Variants in SZT2 observed in about 807,000 individuals in gnomAD.
The protein encoded by SZT2 is KICSTOR complex protein SZT2.
SZT2 carries 216 observed loss-of-function variants against 404.2 expected under a neutral mutation model. That is an observed-to-expected ratio of 0.53 (90% confidence interval 0.48 to 0.60). The LOEUF is 0.60. SZT2 is among the 20% of genes least tolerant of loss of function. The pLI, the probability that SZT2 is intolerant of heterozygous loss-of-function variation, is 0.00. For missense variants in SZT2, 3,857 were observed against 4,459.2 expected, an observed-to-expected ratio of 0.86 and a Z score of 3.85; for synonymous variants, 1,693 against 1,749.9, an observed-to-expected ratio of 0.97 and a Z score of 0.81.
intron 62 of SZT2, among the ~76,000 whole-genome samples, chr1:43,444,755 C>G (rs1655479739): frequency 6.6e-6 from 1 of 152,188 alleles, no homozygotes; most frequent in African/African-American, 2.4e-5. Context: ...TCTCCAGATT[C>G]TGTGTTCTCT....
At position 43,442,136 on chromosome 1, in the gene SZT2, G is replaced by A. The variant is rs762292760; in HGVS notation, c.7873+6G>A. On this transcript the variant is annotated splice_donor_region_variant and intron_variant, in intron 56 of 71. Transcript: ENST00000634258. This position sits in a 1 kb window ranked among gnomAD's most constrained non-coding sequence, Gnocchi z 4.5. The stretch of plus-strand genomic sequence containing the variant: ...GAGGAGACCAACACAGCAGGGTGAG[G>A]GCATGGCCCGGGGGGGCGGGGGGCG... 3 of 1,603,390 alleles carry A rather than the reference G, an allele frequency of 1.9e-6. No homozygotes were observed. The highest frequency in any genetic ancestry group is 2.2e-5 in the South Asian group (2 of 90,740).
intron 1 of SZT2, among the ~76,000 whole-genome samples, chr1:43,391,537 A>G (rs1175188218): frequency 1.3e-5 from 2 of 152,260 alleles, no homozygotes; most frequent in East Asian, 1.9e-4. Context: ...TAAAATAGTC[A>G]TGTTCACAGA....
chr1:43,441,413 G>C lies in SZT2; in HGVS notation c.7511+33G>C. ...TGTGGTGGTGGTGTGCCCTGGGAGGGTATGGGTGTGAAGTCACAGATGGGC... is the reference window on the plus strand; with the variant it reads ...TGTGGTGGTGGTGTGCCCTGGGAGGCTATGGGTGTGAAGTCACAGATGGGC... On this transcript the variant is annotated intron_variant, in intron 53 of 71. Transcript: ENST00000634258. The surrounding 1 kb of genome is among the most constrained non-coding windows in gnomAD (Gnocchi z 4.8). The C allele has an allele frequency of 6.2e-7, 1 of 1,612,428 alleles. No individual in the cohort carries two copies. Among genetic ancestry groups the C allele is most frequent in the Admixed American group, 1.7e-5 (1 of 59,944 alleles).
rs907119503 is a variant in SZT2 at position 43,443,759 on chromosome 1, G to C, written c.8788G>C (p.Val2930Leu). The C allele has an allele frequency of 1.9e-6, 3 of 1,614,080 alleles. No homozygotes were observed. The highest frequency in any genetic ancestry group is 1.3e-5 in the African/African-American group (1 of 75,048). The part of the protein sequence containing the change: ...YVQYLQSIGF[V>L]LVPLRPPSPA... ...GCAGTATCTGCAGAGCATAGGTTTT[G>C]TGCTGGTACCACTGCGGCCCCCCTC... Residue 2930 changes from valine (V) to leucine (L), a missense_variant, in exon 62 of 72, where the codon GTG becomes CTG. By Grantham distance (32) the Val-to-Leu change is conservative. Coordinates refer to ENST00000634258, the MANE Select transcript of SZT2 (RefSeq NM_001365999.1).
chr1:43,441,336 A>T lies in SZT2; in HGVS notation c.7467A>T (p.Gly2489=). 3.1e-6 allele frequency: 5 copies of T among 1,614,146 alleles called. No individual in the cohort carries two copies. The highest frequency in any genetic ancestry group is 4.2e-6 in the Non-Finnish European group (5 of 1,180,008). ...HKTESVRTPG[G]AERAPGSDSG... ...CCGAGAGTGTTCGGACTCCTGGTGG[A>T]GCTGAGCGGGCGCCAGGCTCAGATT... Residue 2489 remains glycine, a synonymous_variant, in exon 53 of 72, where the codon GGA becomes GGT. Coordinates refer to ENST00000634258, the MANE Select transcript of SZT2 (RefSeq NM_001365999.1). The surrounding 1 kb of genome is among the most constrained non-coding windows in gnomAD (Gnocchi z 4.8).
Position 43,439,772 on chromosome 1 carries a change from G to A in SZT2, c.7042+3G>A. On this transcript the variant is annotated splice_donor_region_variant and intron_variant, in intron 50 of 71. Coordinates refer to ENST00000634258, the MANE Select transcript of SZT2 (RefSeq NM_001365999.1). The surrounding 1 kb of genome is among the most constrained non-coding windows in gnomAD (Gnocchi z 4.2). Reference sequence around the variant, plus strand: ...GGTTGTTGTGGACAGTTCTTCAGGTGGGACAGCTTGGTCAGAGGATGAGGT... The same window carrying A: ...GGTTGTTGTGGACAGTTCTTCAGGTAGGACAGCTTGGTCAGAGGATGAGGT... 2 of 1,580,644 alleles carry A rather than the reference G, an allele frequency of 1.3e-6. No homozygotes were observed. The highest frequency in any genetic ancestry group is 1.7e-6 in the Non-Finnish European group (2 of 1,161,986).
chr1:43,400,475 G>T (rs1319597795), intron 1 of SZT2, among the ~76,000 whole-genome samples: 1 of 152,096 alleles, frequency 6.6e-6, no homozygotes, highest in Non-Finnish European at 1.5e-5. Flanking sequence ...TTTGACTTCT[G>T]AGCCTACACT....
rs1348671158 is a variant in SZT2, at chr1:43,448,586, A to T, written c.9970-26A>T. 6.2e-7 allele frequency: 1 copy of T among 1,613,560 alleles called. No homozygotes were observed. The highest frequency in any genetic ancestry group is 8.5e-7 in the Non-Finnish European group (1 of 1,179,780). ...GAATCTGAGGTGACTGGCACAGAAG[A>T]CTCAGGCCTGTGGCTCCTCCCTCAG... On this transcript the variant is annotated intron_variant, in intron 69 of 71. Coordinates refer to ENST00000634258, the MANE Select transcript of SZT2 (RefSeq NM_001365999.1). The surrounding 1 kb of genome is among the most constrained non-coding windows in gnomAD (Gnocchi z 4.2).
chr1:43,422,960 G>A (rs1652591052), intron 14 of SZT2, 77 bp downstream of exon 14: 6 of 1,499,698 alleles, frequency 4.0e-6, no homozygotes, highest in Non-Finnish European at 5.4e-6. Flanking sequence ...ACCCCACAGG[G>A]CCAGGTCTAA....
chr1:43,439,881 C>A lies in SZT2; in HGVS notation c.7043C>A (p.Ala2348Asp). 6.3e-7 allele frequency: 1 copy of A among 1,589,460 alleles called. No individual in the cohort carries two copies. Among genetic ancestry groups the A allele is most frequent in the South Asian group, 1.2e-5 (1 of 85,678 alleles). The change falls in exon 51 of 72, where the codon GCT becomes GAT. Residue 2348 changes from alanine (A) to aspartate (D), a missense_variant and splice_region_variant. By Grantham distance (126) the Ala-to-Asp change is moderately radical. Around this residue, in one of 7 missense-constraint regions of SZT2, gnomAD observed 573 missense variants for 592.4 expected, o/e 0.97. Coordinates refer to ENST00000634258, the MANE Select transcript of SZT2 (RefSeq NM_001365999.1). The surrounding 1 kb of genome is among the most constrained non-coding windows in gnomAD (Gnocchi z 4.2). ...RCPVVVDSSS[A>D]QNGAPRLRLD... is the part of the protein sequence containing the mutation. ...TCAAGTGTCCCTGTTCTCCTTCCAGCTCAGAATGGGGCCCCACGGCTTCGA... is the reference window on the plus strand; with the variant it reads ...TCAAGTGTCCCTGTTCTCCTTCCAGATCAGAATGGGGCCCCACGGCTTCGA...
chr1:43,429,415 T>A (rs1376081862), intron 28 of SZT2: 1 of 337,686 alleles, frequency 3.0e-6, no homozygotes, highest in African/African-American at 2.1e-5. Context: ...ATGCCTGTGG[T>A]CCCAGCTACT....
At position 43,431,386 on chromosome 1, in the gene SZT2, T is replaced by A; in HGVS notation, c.5024+14T>A. 1 of 1,612,466 alleles carries A rather than the reference T, an allele frequency of 6.2e-7. No individual in the cohort carries two copies. Among genetic ancestry groups the A allele is most frequent in the Non-Finnish European group, 8.5e-7 (1 of 1,178,562 alleles). ...AGAAGAGGAGAGGTACTTCTTTATCTCCCTGTCAGAGTTCATTACTGCTTT... is the reference window on the plus strand; with the variant it reads ...AGAAGAGGAGAGGTACTTCTTTATCACCCTGTCAGAGTTCATTACTGCTTT... On this transcript the variant is annotated intron_variant, in intron 34 of 71. Coordinates refer to ENST00000634258, the MANE Select transcript of SZT2 (RefSeq NM_001365999.1).
rs770813597 is a variant in SZT2, at chr1:43,403,745, T to G, written c.298T>G (p.Leu100Val). Residue 100 changes from leucine to valine, a missense_variant, in exon 3 of 72, where the codon TTG becomes GTG. By Grantham distance (32) the Leu-to-Val change is conservative. Transcript: ENST00000634258. ...LAWQYRFVIE[L>V]DLSPSTGIVD... is the part of the protein sequence containing the mutation. ...TTGGCAGTATCGGTTTGTCATTGAG[T>G]TGGACCTTAGCCCATCTACTGGCAT... The G allele has an allele frequency of 1.2e-6, 2 of 1,614,050 alleles. No individual in the cohort carries two copies. The highest frequency in any genetic ancestry group is 4.5e-5 in the East Asian group (2 of 44,858).
rs1200040118 is a variant in SZT2 at position 43,450,261 on chromosome 1, A to AC, written c.10156-73dup. On this transcript the variant is annotated intron_variant, in intron 71 of 71. Coordinates refer to ENST00000634258, the MANE Select transcript of SZT2 (RefSeq NM_001365999.1). The surrounding 1 kb of genome is among the most constrained non-coding windows in gnomAD (Gnocchi z 4.3). ...GGAGCCTGCTGAGGTTGGGGTGCCC[A>AC]CCCTTTCTGAGCCCTGCCTCCTATC... is the stretch of plus-strand genomic sequence containing the variant. The AC allele has an allele frequency of 6.2e-7, 1 of 1,613,234 alleles. No homozygotes were observed. The highest frequency in any genetic ancestry group is 2.2e-5 in the East Asian group (1 of 44,856).
chr1:43,436,915 C>G, intron 42 of SZT2: 1 of 528,814 alleles, frequency 1.9e-6, no homozygotes, highest in Non-Finnish European at 3.3e-6. Context: ...CTTTGCCTGC[C>G]TTGATACCTC....
rs1040898943 is a variant in SZT2 at position 43,441,718 on chromosome 1, A to C, written c.7642A>C (p.Met2548Leu). 6 of 1,614,006 alleles carry C rather than the reference A, an allele frequency of 3.7e-6. No homozygotes were observed. The African/African-American group carries it at 4.0e-5, about 11-fold the overall frequency. ...CASVSRSSAH[M>L]VSRFLLPSIL... ...CTCAGTGTCCAGAAGCTCTGCCCAC[A>C]TGGTGTCCCGGTTCCTCCTTCCATC... Residue 2548 changes from methionine to leucine, a missense_variant, in exon 55 of 72, where the codon ATG becomes CTG. Physicochemically the swap from Met to Leu is conservative, Grantham distance 15 (BLOSUM62 2). Coordinates refer to ENST00000634258, the MANE Select transcript of SZT2 (RefSeq NM_001365999.1). This position sits in a 1 kb window ranked among gnomAD's most constrained non-coding sequence, Gnocchi z 4.8.
intron 4 of SZT2, chr1:43,409,891 A>G (rs1449508377): frequency 6.6e-6 from 1 of 152,350 alleles, no homozygotes; most frequent in Non-Finnish European, 1.5e-5. Flanking sequence ...GACATTCTTC[A>G]TAGAAATAGA....
chr1:43,399,213 C>G (rs1649368779), intron 1 of SZT2, among the ~76,000 whole-genome samples: 1 of 152,186 alleles, frequency 6.6e-6, no homozygotes, highest in African/African-American at 2.4e-5. Flanking sequence ...CTTTTCTGTC[C>G]TATCCTAAAG....
At position 43,430,057 on chromosome 1, in the gene SZT2, C is replaced by T. The variant is rs746055312; in HGVS notation, c.4355C>T (p.Ser1452Phe). The T allele has an allele frequency of 6.2e-7, 1 of 1,614,066 alleles. No individual in the cohort carries two copies. Among genetic ancestry groups the T allele is most frequent in the Non-Finnish European group, 8.5e-7 (1 of 1,180,042 alleles). The change falls in exon 30 of 72, where the codon TCC becomes TTC. Residue 1452 changes from serine to phenylalanine, a missense_variant. By Grantham distance (155) the Ser-to-Phe change is radical. Transcript: ENST00000634258. Reference protein sequence around the residue: ...ISRLHFRTVPSNPHYFFYCPP... With the variant: ...ISRLHFRTVPFNPHYFFYCPP... ...CGTCTCCACTTCCGCACAGTGCCTTCCAATCCCCACTACTTCTTCTATTGC... is the reference window on the plus strand; with the variant it reads ...CGTCTCCACTTCCGCACAGTGCCTTTCAATCCCCACTACTTCTTCTATTGC...
Sources: gnomAD v4.1 joint callset for allele counts (sites outside exome capture counted in the v4.1 genomes callset) on GRCh38, gnomAD v4.1.1 for gene constraint, gnomAD v4.1.1 regional missense constraint, Gnocchi (gnomAD v3.1) non-coding constraint, MANE v1.5 for transcripts, NCBI Gene and HGNC (gene_info 2026-07-23, HGNC 2026-07-21) for gene names.